The following MAPKAP1 variants were observed in gnomAD, a reference collection of about 807,000 sequenced individuals.
MAPKAP1 encodes the protein target of rapamycin complex 2 subunit MAPKAP1.
In MAPKAP1, 20 loss-of-function variants were observed where a neutral mutation model predicts 65.7. That is an observed-to-expected ratio of 0.30 (90% CI 0.21 to 0.44). MAPKAP1 has a LOEUF of 0.44. Ranked by LOEUF, MAPKAP1 falls within the 20% of genes least tolerant of loss-of-function variation. The probability of loss-of-function intolerance (pLI) is 1.00; values close to 1 mark genes in which losing one functional copy is unlikely to be tolerated. For missense variants in MAPKAP1, 423 were observed against 648.0 expected, an observed-to-expected ratio of 0.65 and a Z score of 3.77; for synonymous variants, 222 against 244.3, an observed-to-expected ratio of 0.91 and a Z score of 0.85.
intron 1 of MAPKAP1, among the ~76,000 whole-genome samples, chr9:125,677,160 C>G (rs937348288): frequency 1.3e-5 from 2 of 152,126 alleles, no homozygotes; most frequent in Non-Finnish European, 2.9e-5. Flanking sequence ...GTCTTTTGGC[C>G]GGGTGCAGTG....
chr9:125,490,339 A>C (rs1040775511), intron 8 of MAPKAP1, among the ~76,000 whole-genome samples: 4 of 152,148 alleles, frequency 2.6e-5, no homozygotes, highest in African/African-American at 9.7e-5. Context: ...CAAGAGTTCG[A>C]GACCAGCCTG....
intron 4 of MAPKAP1, among the ~76,000 whole-genome samples, chr9:125,653,233 A>T (rs555581945): frequency 6.6e-6 from 1 of 152,372 alleles, no homozygotes; most frequent in South Asian, 2.1e-4. Flanking sequence ...CAAGAAACAG[A>T]GTAACAAAAG....
chr9:125,642,233 AG>A (rs1477148420), intron 4 of MAPKAP1, among the ~76,000 whole-genome samples: 1 of 151,948 alleles, frequency 6.6e-6, no homozygotes, highest in Non-Finnish European at 1.5e-5. Context: ...AGGAAGAAAA[AG>A]AAAAAAAAAA....
intron 7 of MAPKAP1, among the ~76,000 whole-genome samples, chr9:125,526,994 C>T (rs1159707481): frequency 2.0e-5 from 3 of 149,822 alleles, no homozygotes; most frequent in Non-Finnish European, 4.4e-5. Flanking sequence ...AGGATAGTCT[C>T]GATCTCCTGA....
intron 4 of MAPKAP1, among the ~76,000 whole-genome samples, chr9:125,643,582 CATT>C (rs1833641828): frequency 6.6e-6 from 1 of 152,154 alleles, no homozygotes; most frequent in South Asian, 2.1e-4. Context: ...TTGTTTCAAT[CATT>C]ATGTAATATT....
At chr9:125,635,234 A>G (rs1481075248) in intron 4 of MAPKAP1, among the ~76,000 whole-genome samples, 3 of 152,216 alleles carry the variant, frequency 2.0e-5, no homozygotes, top group African/African-American at 7.2e-5. Context: ...CTACACCAAC[A>G]GTCAGAACTT....
rs1264342640 is a variant in MAPKAP1 at position 125,439,294 on chromosome 9, C to T, written c.1444-282G>A. On this transcript the variant is annotated intron_variant, in intron 11 of 11. Transcript: ENST00000265960. This position sits in a 1 kb window ranked among gnomAD's most constrained non-coding sequence, Gnocchi z 4.0. Reference sequence around the variant, plus strand: ...TCAGGTTCCGGAGCCCATGCTCCCTCCTGGCGTGAGCCACTCCCGGAAGGC... The same window carrying T: ...TCAGGTTCCGGAGCCCATGCTCCCTTCTGGCGTGAGCCACTCCCGGAAGGC... 1.3e-5 allele frequency among the ~76,000 whole-genome samples: 2 copies of T among 152,272 alleles called. No homozygotes were observed. Among genetic ancestry groups the T allele is most frequent in the Non-Finnish European group, 2.9e-5 (2 of 68,036 alleles).
rs1234972976 is a variant in MAPKAP1 at position 125,515,801 on chromosome 9, C to T, written c.959-9384G>A. On this transcript the variant is annotated intron_variant, in intron 7 of 11. Transcript: ENST00000265960. ...AATAAACAAAGCCCAGCAAGGGGGC[C>T]GGCCAGAAGATGAGGAGGAGTGGGC... Among the ~76,000 whole-genome samples, 6 of 152,144 alleles carry T rather than the reference C, an allele frequency of 3.9e-5. No homozygotes were observed. In the East Asian group the frequency reaches 9.6e-4, roughly 24 times the overall value.
At position 125,439,113 on chromosome 9, in the gene MAPKAP1, G is replaced by T. The variant is rs756013020; in HGVS notation, c.1444-101C>A. The T allele has an allele frequency of 5.7e-6, 8 of 1,396,786 alleles. 1 individual carries two copies. In the African/African-American group the frequency reaches 7.2e-5, roughly 12 times the overall value. 86.5% of individuals were successfully genotyped at this position (1,396,786 alleles called of 1,614,324 possible). ...GGGAAGGCCCTGACCTGGGCCGGGT[G>T]CCTCAGGGCCAGGTGCTGTCGTGTG... On this transcript the variant is annotated intron_variant, in intron 11 of 11. Transcript: ENST00000265960. The surrounding 1 kb of genome is among the most constrained non-coding windows in gnomAD (Gnocchi z 4.0).
rs539448771 is a variant in MAPKAP1 at position 125,509,707 on chromosome 9, A to C, written c.959-3290T>G. On this transcript the variant is annotated intron_variant, in intron 7 of 11. Coordinates refer to ENST00000265960, the MANE Select transcript of MAPKAP1 (RefSeq NM_001006617.3). ...TCAGGCTACCTGACAGCTGGATTAT[A>C]TATAAGCTACCACTTTCCTGATTAC... Among the ~76,000 whole-genome samples, 355 of 152,284 alleles carry C rather than the reference A, an allele frequency of 2.3e-3. 3 individuals carry two copies. The highest frequency in any genetic ancestry group is 8.3e-3 in the African/African-American group (345 of 41,552).
chr9:125,661,537 T>C (rs1235058593), intron 3 of MAPKAP1, among the ~76,000 whole-genome samples: 1 of 152,158 alleles, frequency 6.6e-6, no homozygotes, highest in Admixed American at 6.5e-5. Context: ...CGGAATATAT[T>C]ACTAAATAAA....
chr9:125,527,195 T>G (rs1284182207), intron 7 of MAPKAP1, among the ~76,000 whole-genome samples: 1 of 151,900 alleles, frequency 6.6e-6, no homozygotes, highest in Non-Finnish European at 1.5e-5. Flanking sequence ...GCCTCTGGAG[T>G]AGCTGGGACT....
intron 1 of MAPKAP1, among the ~76,000 whole-genome samples, chr9:125,700,338 T>C (rs1835558961): frequency 6.6e-6 from 1 of 152,234 alleles, no homozygotes; most frequent in African/African-American, 2.4e-5. Flanking sequence ...AATGTTATTT[T>C]TTTTGAAGTT....
At chr9:125,669,047 G>A (rs1195075860) in intron 3 of MAPKAP1, among the ~76,000 whole-genome samples, 2 of 152,120 alleles carry the variant, frequency 1.3e-5, no homozygotes, top group Non-Finnish European at 2.9e-5. Flanking sequence ...AGGCATGGTG[G>A]TGTGCACCTG....
intron 1 of MAPKAP1, among the ~76,000 whole-genome samples, chr9:125,706,468 C>T (rs540264645): frequency 1.6e-4 from 24 of 152,106 alleles, no homozygotes; most frequent in African/African-American, 2.4e-4. Flanking sequence ...GCTACAATCT[C>T]TTTTTCCCAG....
rs1835788294 is a variant in MAPKAP1, at chr9:125,707,105, C to T, written c.-204G>A. ...GGATCCACGGGGACCGGCGCTCCTC[C>T]CGGCCCGCTCAGCTGCCGCTTCCCG... On this transcript the variant is annotated 5_prime_UTR_variant, in exon 1 of 12. Coordinates refer to ENST00000265960, the MANE Select transcript of MAPKAP1 (RefSeq NM_001006617.3). The T allele has an allele frequency of 7.5e-6, 3 of 398,298 alleles. No homozygotes were observed. The East Asian group carries it at 1.1e-4, about 14-fold the overall frequency. 24.7% of individuals were successfully genotyped at this position (398,298 alleles called of 1,614,324 possible). A position where few individuals can be genotyped will look rare whatever the true frequency, so the allele number is the denominator to read the frequency against.
intron 5 of MAPKAP1, among the ~76,000 whole-genome samples, chr9:125,584,434 C>G (rs145101338): frequency 1.3e-5 from 2 of 152,222 alleles, no homozygotes; most frequent in East Asian, 3.9e-4. Flanking sequence ...GGGAAGAGAA[C>G]ATCTCCATGA....
intron 4 of MAPKAP1, among the ~76,000 whole-genome samples, chr9:125,613,555 TCA>T (rs1474406865): frequency 3.9e-5 from 6 of 152,162 alleles, no homozygotes; most frequent in African/African-American, 1.4e-4. Context: ...TACGACTGCA[TCA>T]CAGTCCCAAC....
chr9:125,702,979 C>G (rs765618413), intron 1 of MAPKAP1, among the ~76,000 whole-genome samples: 1 of 152,052 alleles, frequency 6.6e-6, no homozygotes. Flanking sequence ...GCTATTACCA[C>G]GAAACTGCAC....
Sources: allele counts gnomAD v4.1 joint callset (sites outside exome capture counted in the v4.1 genomes callset), GRCh38; gene constraint gnomAD v4.1.1; non-coding constraint Gnocchi (gnomAD v3.1); transcripts MANE v1.5; gene names NCBI Gene and HGNC (gene_info 2026-07-23, HGNC 2026-07-21).